TMPRSS15: variants seen among roughly 807,000 people sequenced by gnomAD.
TMPRSS15 encodes the protein transmembrane serine protease 15.
Under a neutral mutation model 125.3 loss-of-function variants are expected in TMPRSS15, and 128 were observed. That is an observed-to-expected ratio of 1.02 (90% CI 0.89 to 1.18). The LOEUF (loss-of-function observed/expected upper bound fraction) is 1.18, where lower values mean the gene tolerates loss of function less well. TMPRSS15 is among the 50% of genes most tolerant of loss of function. The pLI is 0.00. For missense variants in TMPRSS15, 1,283 were observed against 1,212.7 expected, an observed-to-expected ratio of 1.06 and a Z score of -0.86; for synonymous variants, 446 against 423.2, an observed-to-expected ratio of 1.05 and a Z score of -0.66.
intron 18 of TMPRSS15, among the ~76,000 whole-genome samples, chr21:18,306,388 T>C (rs186108595): frequency 6.6e-6 from 1 of 152,350 alleles, no homozygotes; most frequent in East Asian, 1.9e-4. Flanking sequence ...TCTATGTTTT[T>C]GAAAGGCTTA....
chr21:18,272,630 C>A (rs1345668092), intron 24 of TMPRSS15, among the ~76,000 whole-genome samples: 3 of 152,028 alleles, frequency 2.0e-5, no homozygotes, highest in African/African-American at 7.2e-5. Context: ...GAGGCTGAGG[C>A]AGGAGAATCA....
chr21:18,314,450 G>A (rs1208721832), intron 17 of TMPRSS15, among the ~76,000 whole-genome samples: 5 of 151,666 alleles, frequency 3.3e-5, no homozygotes, highest in Admixed American at 1.3e-4. Context: ...GGCAAATTTC[G>A]TATTTTTAGT....
chr21:18,306,442 C>T (rs925862442), intron 18 of TMPRSS15, among the ~76,000 whole-genome samples: 4 of 152,172 alleles, frequency 2.6e-5, no homozygotes, highest in African/African-American at 7.2e-5. Flanking sequence ...TTCAAAACAC[C>T]GCTGCAATGG....
At chr21:18,326,202 G>C (rs2075288043) in intron 16 of TMPRSS15, among the ~76,000 whole-genome samples, 1 of 152,112 alleles carries the variant, frequency 6.6e-6, no homozygotes. Flanking sequence ...TTACACATCA[G>C]AGAAATCCAA....
intron 1 of TMPRSS15, among the ~76,000 whole-genome samples, chr21:18,453,568 A>G (rs1044048247): frequency 1.3e-5 from 2 of 152,202 alleles, no homozygotes; most frequent in Admixed American, 1.3e-4. Context: ...AGATTTAGAG[A>G]CGAGCTTATT....
chr21:18,461,409 T>C (rs1978548536), intron 1 of TMPRSS15, among the ~76,000 whole-genome samples: 1 of 152,156 alleles, frequency 6.6e-6, no homozygotes, highest in Non-Finnish European at 1.5e-5. Context: ...GTCTCAGTGA[T>C]TGGCTTTCTG....
At chr21:18,322,837 TAA>T (rs2075252944) in intron 16 of TMPRSS15, among the ~76,000 whole-genome samples, 1 of 152,222 alleles carries the variant, frequency 6.6e-6, no homozygotes, top group Admixed American at 6.5e-5. Flanking sequence ...TAGTTAACAA[TAA>T]TTTATGGTAC....
At chr21:18,320,560 A>T (rs1406537383) in intron 16 of TMPRSS15, among the ~76,000 whole-genome samples, 2 of 152,212 alleles carry the variant, frequency 1.3e-5, no homozygotes, top group Non-Finnish European at 2.9e-5. Context: ...AAAATGTTTT[A>T]AAAATGTAAT....
chr21:18,469,366 T>A (rs1978732951), intron 1 of TMPRSS15, among the ~76,000 whole-genome samples: 2 of 152,132 alleles, frequency 1.3e-5, no homozygotes, highest in Admixed American at 6.6e-5. Context: ...TTCCTGAGGT[T>A]CTGTTTATTG....
chr21:18,379,360 A>G (rs1189466626), intron 4 of TMPRSS15, 42 bp from the exon 5 acceptor site: 1 of 939,928 alleles, frequency 1.1e-6, no homozygotes, highest in South Asian at 3.1e-5. Context: ...ACCTATTTTA[A>G]ACTAATTACC....
chr21:18,396,808 G>GTCTGTCTGTCTATCTATCTA (rs1461927983), intron 3 of TMPRSS15, among the ~76,000 whole-genome samples: 253 of 107,858 alleles, frequency 2.3e-3, no homozygotes, highest in Non-Finnish European at 2.7e-3. Flanking sequence ...CTGTCTGTCT[G>GTCTGTCTGTCTATCTATCTA]TCTATCTATC....
At chr21:18,477,965 T>C (rs1731976688) in intron 1 of TMPRSS15, among the ~76,000 whole-genome samples, 1 of 151,974 alleles carries the variant, frequency 6.6e-6, no homozygotes, top group Admixed American at 6.6e-5. Flanking sequence ...GGACTTGAGG[T>C]GGCAAAAGTA....
rs533200668 is a variant in TMPRSS15 at position 18,349,725 on chromosome 21, T to C, written c.1171+3178A>G. Among the ~76,000 whole-genome samples, 816 of 152,278 alleles carry C rather than the reference T, an allele frequency of 5.4e-3. 1 individual carries two copies. The highest frequency in any genetic ancestry group is 8.6e-3 in the Non-Finnish European group (587 of 68,016). On this transcript the variant is annotated intron_variant, in intron 10 of 24. Coordinates refer to ENST00000284885, the MANE Select transcript of TMPRSS15 (RefSeq NM_002772.3). ...ATCTGTCCTCATTATATGACTTGTC[T>C]AATTTTAAAAAACTCCTGCTACTAC...
At chr21:18,368,476 C>T (rs577867233) in intron 6 of TMPRSS15, among the ~76,000 whole-genome samples, 2 of 152,280 alleles carry the variant, frequency 1.3e-5, no homozygotes, top group African/African-American at 2.4e-5. Flanking sequence ...AACATTCTTC[C>T]TTTGTCAGTC....
chr21:18,334,360 T>G (rs556065224), intron 13 of TMPRSS15, among the ~76,000 whole-genome samples: 9 of 152,306 alleles, frequency 5.9e-5, no homozygotes, highest in African/African-American at 2.2e-4. Context: ...GATGAACTTA[T>G]CAAAATAATA....
intron 1 of TMPRSS15, among the ~76,000 whole-genome samples, chr21:18,461,637 T>G (rs1978552612): frequency 6.6e-6 from 1 of 152,140 alleles, no homozygotes; most frequent in Non-Finnish European, 1.5e-5. Context: ...TAAGCAAAAT[T>G]TTATGGAATA....
At chr21:18,347,748 T>C (rs1171801485) in intron 10 of TMPRSS15, among the ~76,000 whole-genome samples, 1 of 152,192 alleles carries the variant, frequency 6.6e-6, no homozygotes, top group Admixed American at 6.5e-5. Context: ...CATGGGAATT[T>C]ATATGGTCAA....
intron 3 of TMPRSS15, 143 bp downstream of exon 3, chr21:18,397,736 G>A (rs2076053051): frequency 1.9e-6 from 1 of 522,442 alleles, no homozygotes; most frequent in Non-Finnish European, 3.5e-6. Context: ...GAAAGTTTAT[G>A]CTGTGCCACT....
chr21:18,415,173 A>G (rs1383884060), intron 1 of TMPRSS15, among the ~76,000 whole-genome samples: 1 of 152,146 alleles, frequency 6.6e-6, no homozygotes, highest in African/African-American at 2.4e-5. Context: ...AGAAATGTCT[A>G]TCAGGGTGCA....
Sources: gnomAD v4.1 joint callset for allele counts (sites outside exome capture counted in the v4.1 genomes callset) on GRCh38, gnomAD v4.1.1 for gene constraint, MANE v1.5 for transcripts, NCBI Gene and HGNC (gene_info 2026-07-23, HGNC 2026-07-21) for gene names.